LMTK2: variants seen among roughly 807,000 people sequenced by gnomAD.
LMTK2 encodes lemur tail kinase 2, also known as serine/threonine-protein kinase LMTK2.
LMTK2 carries 37 observed loss-of-function variants against 127.5 expected under a neutral mutation model. That is an observed-to-expected ratio of 0.29 (90% CI 0.22 to 0.38). LMTK2 has a LOEUF of 0.38. LMTK2 is among the 10% of genes least tolerant of loss of function. LMTK2 has a pLI of 1.00. For missense variants in LMTK2, 1,694 were observed against 1,920.3 expected, an observed-to-expected ratio of 0.88 and a Z score of 2.20; for synonymous variants, 819 against 810.1, an observed-to-expected ratio of 1.01 and a Z score of -0.19.
Position 98,141,553 on chromosome 7 carries a change from C to T in LMTK2, c.376+12C>T, listed in dbSNP as rs761085347. ...CCAGCCTTCTGTAGGTAAGACCATA[C>T]AGCCTAATGCCACGTTTTCATGAAT... On this transcript the variant is annotated intron_variant, in intron 3 of 13. Coordinates refer to ENST00000297293, the MANE Select transcript of LMTK2 (RefSeq NM_014916.4). 1.1e-5 allele frequency: 17 copies of T among 1,608,614 alleles called. No individual in the cohort carries two copies. Among genetic ancestry groups the T allele is most frequent in the Non-Finnish European group, 6.8e-6 (8 of 1,177,098 alleles).
chr7:98,193,164 A>T lies in LMTK2; in HGVS notation c.2699A>T (p.Asp900Val), dbSNP rs1797560794. 6.2e-7 allele frequency: 1 copy of T among 1,613,368 alleles called. No individual in the cohort carries two copies. The highest frequency in any genetic ancestry group is 1.7e-5 in the Admixed American group (1 of 59,974). The change falls in exon 11 of 14, where the codon GAC becomes GTC. Residue 900 changes from aspartate (D) to valine (V), a missense_variant. Around this residue, in one of 8 missense-constraint regions of LMTK2, gnomAD observed 527 missense variants for 539.8 expected, o/e 0.98. Coordinates refer to ENST00000297293, the MANE Select transcript of LMTK2 (RefSeq NM_014916.4). The surrounding 1 kb of genome is among the most constrained non-coding windows in gnomAD (Gnocchi z 4.1). ...GAGACCCTGCGACTCACCGAAAGTG[A>T]CTCTGTTCTTGCTGATGACATCCTT... The part of the protein sequence containing the change: ...SEETLRLTES[D>V]SVLADDILAS...
intron 7 of LMTK2, among the ~76,000 whole-genome samples, chr7:98,176,077 G>C (rs1797273264): frequency 6.6e-6 from 1 of 152,238 alleles, no homozygotes; most frequent in Admixed American, 6.5e-5. Context: ...ATGTAGCAGT[G>C]TGTGAATAAA....
intron 1 of LMTK2, among the ~76,000 whole-genome samples, chr7:98,136,399 G>A (rs1178747980): frequency 6.6e-6 from 1 of 152,200 alleles, no homozygotes; most frequent in Non-Finnish European, 1.5e-5. Flanking sequence ...CCTGACAGAT[G>A]CAGAAAACTG....
rs1181236822 is a variant in LMTK2, at chr7:98,147,406, G to C, written c.377-3976G>C. ...ACTAATTTATTTTTAATTTCTTATA[G>C]AGGCAGCATCTCACTGTGTTGCCTA... On this transcript the variant is annotated intron_variant, in intron 3 of 13. Coordinates refer to ENST00000297293, the MANE Select transcript of LMTK2 (RefSeq NM_014916.4). Among the ~76,000 whole-genome samples the C allele has an allele frequency of 2.5e-4, 38 of 152,034 alleles. 1 individual carries two copies. Among genetic ancestry groups the C allele is most frequent in the Admixed American group, 2.5e-3 (38 of 15,266 alleles).
chr7:98,182,545 C>T lies in LMTK2; in HGVS notation c.792-2506C>T, dbSNP rs535330293. On this transcript the variant is annotated intron_variant, in intron 7 of 13. Transcript: ENST00000297293. ...TTTCCCATAATGAAATACCACCTTA[C>T]ACCCATTAGGATGGCTACTATCAAC... is the stretch of plus-strand genomic sequence containing the variant. 2.6e-5 allele frequency among the ~76,000 whole-genome samples: 4 copies of T among 152,360 alleles called. No homozygotes were observed. The East Asian group carries it at 5.8e-4, about 22-fold the overall frequency.
chr7:98,179,511 C>T (rs1797321136), intron 7 of LMTK2, among the ~76,000 whole-genome samples: 1 of 152,152 alleles, frequency 6.6e-6, no homozygotes, highest in Non-Finnish European at 1.5e-5. Context: ...GCTGTTGGCC[C>T]AGTGGATAGA....
intron 3 of LMTK2, among the ~76,000 whole-genome samples, chr7:98,144,271 A>C (rs1485931270): frequency 6.6e-6 from 1 of 152,016 alleles, no homozygotes; most frequent in African/African-American, 2.4e-5. Context: ...TCTACTAAAA[A>C]TACAAAAAAA....
chr7:98,174,119 A>AAG lies in LMTK2; in HGVS notation c.791+2446_791+2447insGA, dbSNP rs1554392201. ...CATTTTGTTGTAAAAAAAAAAAAAA[A>AAG]AAAGAAAAAGTAATCATATCTATAT... On this transcript the variant is annotated intron_variant, in intron 7 of 13. Coordinates refer to ENST00000297293, the MANE Select transcript of LMTK2 (RefSeq NM_014916.4). Among the ~76,000 whole-genome samples, 619 of 151,152 alleles carry AAG rather than the reference A, an allele frequency of 4.1e-3. 1 individual carries two copies. The highest frequency in any genetic ancestry group is 0.014 in the African/African-American group (582 of 40,740).
intron 4 of LMTK2, 92 bp downstream of exon 4, chr7:98,151,547 G>A (rs150987499): frequency 1.2e-5 from 12 of 1,036,788 alleles, no homozygotes; most frequent in African/African-American, 6.4e-5. Context: ...GGAGTTCCAC[G>A]TGCCCTGTGG....
chr7:98,204,229 G>A, intron 13 of LMTK2, 43 bp downstream of exon 13: 2 of 906,336 alleles, frequency 2.2e-6, no homozygotes, highest in Non-Finnish European at 3.6e-6. Flanking sequence ...GCAGGGTCGG[G>A]GGTGGGGCGC....
At chr7:98,185,914 C>T (rs1021507465) in intron 8 of LMTK2, among the ~76,000 whole-genome samples, 10 of 151,946 alleles carry the variant, frequency 6.6e-5, no homozygotes, top group African/African-American at 1.2e-4. Flanking sequence ...TTCTGTTTTT[C>T]GGAGTTCTTG....
chr7:98,138,802 T>C (rs1796634298), intron 2 of LMTK2, among the ~76,000 whole-genome samples: 1 of 152,212 alleles, frequency 6.6e-6, no homozygotes, highest in Non-Finnish European at 1.5e-5. Context: ...CAAAGCTTTT[T>C]GAATCTCAGG....
intron 3 of LMTK2, among the ~76,000 whole-genome samples, chr7:98,148,739 G>A (rs1796808334): frequency 1.3e-5 from 2 of 152,186 alleles, no homozygotes; most frequent in Admixed American, 1.3e-4. Flanking sequence ...CTAGGTCTTT[G>A]CAGATTGACT....
intron 13 of LMTK2, 143 bp downstream of exon 13, chr7:98,204,329 C>T (rs758536810): frequency 1.0e-4 from 116 of 1,107,590 alleles, no homozygotes; most frequent in Admixed American, 5.1e-5. Flanking sequence ...TTTTATAAAA[C>T]TCCCATCATC....
chr7:98,120,911 T>A (rs2116329757), intron 1 of LMTK2, among the ~76,000 whole-genome samples: 1 of 152,342 alleles, frequency 6.6e-6, no homozygotes, highest in African/African-American at 2.4e-5. Flanking sequence ...TTCGGGAATC[T>A]GTCATCTAAC....
chr7:98,160,184 C>G (rs1796992707), intron 6 of LMTK2, among the ~76,000 whole-genome samples: 1 of 152,294 alleles, frequency 6.6e-6, no homozygotes, highest in East Asian at 1.9e-4. Context: ...TTTGCATCAT[C>G]TCAGTTTTCA....
At chr7:98,108,856 C>CT (rs11345679) in intron 1 of LMTK2, among the ~76,000 whole-genome samples, 31,074 of 100,910 alleles carry the variant, frequency 0.31, 5,639 homozygotes, top group East Asian at 0.52. Context: ...TGCCTGCACA[C>CT]TTTTTTTTTT....
At chr7:98,145,924 C>T (rs1413199632) in intron 3 of LMTK2, among the ~76,000 whole-genome samples, 3 of 152,090 alleles carry the variant, frequency 2.0e-5, no homozygotes, top group African/African-American at 7.2e-5. Flanking sequence ...TCTATGTTGT[C>T]TTCTGTAAGT....
intron 11 of LMTK2, among the ~76,000 whole-genome samples, chr7:98,195,083 A>G (rs780172784): frequency 2.6e-5 from 4 of 151,788 alleles, no homozygotes; most frequent in Admixed American, 6.6e-5. Flanking sequence ...CGGTCTTGCT[A>G]TGTTGCCTAG....
Sources: allele counts gnomAD v4.1 joint callset (sites outside exome capture counted in the v4.1 genomes callset), GRCh38; gene constraint gnomAD v4.1.1; regional missense constraint gnomAD v4.1.1; non-coding constraint Gnocchi (gnomAD v3.1); transcripts MANE v1.5; gene names NCBI Gene and HGNC (gene_info 2026-07-23, HGNC 2026-07-21).